The following PCNT variants were observed in gnomAD, a reference collection of about 807,000 sequenced individuals.
PCNT encodes kendrin.
Under a neutral mutation model 380.4 loss-of-function variants are expected in PCNT, and 319 were observed. The observed-to-expected ratio is 0.84, with a 90% CI of 0.77 to 0.92. The LOEUF is 0.92. Among genes scored for constraint, PCNT ranks in the 40% least tolerant of loss-of-function variants. PCNT has a pLI of 0.00. For synonymous variants in PCNT, 1,845 were observed against 1,735.2 expected (o/e 1.06, Z -1.57); for missense variants, 4,400 against 4,255.3 (o/e 1.03, Z -0.95).
chr21:46,349,309 G>C (rs544959662), intron 7 of PCNT, 123 bp downstream of exon 7: 4 of 874,994 alleles, frequency 4.6e-6, no homozygotes, highest in Non-Finnish European at 7.8e-6. Flanking sequence ...ATGCTGGATG[G>C]CCCCATGCAC....
intron 5 of PCNT, 89 bp downstream of exon 5, chr21:46,347,087 C>T (rs1298758986): frequency 2.5e-5 from 36 of 1,464,700 alleles, no homozygotes; most frequent in East Asian, 4.8e-5. Flanking sequence ...GGAGCTGGGG[C>T]GCCCTAGCAC....
At chr21:46,354,147 C>G in intron 11 of PCNT, 79 bp downstream of exon 11, 1 of 1,276,002 alleles carries the variant, frequency 7.8e-7, no homozygotes, top group Non-Finnish European at 1.1e-6. Context: ...ATTATAGAGC[C>G]TGTGTTTCCG....
intron 27 of PCNT, among the ~76,000 whole-genome samples, chr21:46,404,353 A>T (rs1390383065): frequency 6.8e-6 from 1 of 147,962 alleles, no homozygotes; most frequent in Non-Finnish European, 1.5e-5. Context: ...TTTCCCTATT[A>T]AGGTTCTGTC....
Position 46,415,975 on chromosome 21 carries a change from C to T in PCNT, c.6151-94C>T, listed in dbSNP as rs532240295. Reference sequence around the variant, plus strand: ...TCATTGTGGAATCACCCGAGTGCTCCGAAACTCCCTGAAATCCACTCATTA... The same window carrying T: ...TCATTGTGGAATCACCCGAGTGCTCTGAAACTCCCTGAAATCCACTCATTA... On this transcript the variant is annotated intron_variant, in intron 29 of 46. Coordinates refer to ENST00000359568, the MANE Select transcript of PCNT (RefSeq NM_006031.6). The T allele has an allele frequency of 1.2e-5, 15 of 1,282,510 alleles. 1 individual carries two copies. Among genetic ancestry groups the T allele is most frequent in the Middle Eastern group, 4.5e-4 (2 of 4,480 alleles). The allele number at this position is 1,282,510 out of a possible 1,614,324, so 79.4% of individuals were successfully genotyped here.
chr21:46,440,288 CA>C, intron 42 of PCNT, 86 bp downstream of exon 42: 2 of 1,456,160 alleles, frequency 1.4e-6, no homozygotes, highest in Non-Finnish European at 1.9e-6. Flanking sequence ...TTTGTGACCA[CA>C]AGGTTCTCGT....
At chr21:46,426,347 C>A (rs1012902863) in intron 33 of PCNT, among the ~76,000 whole-genome samples, 1 of 152,024 alleles carries the variant, frequency 6.6e-6, no homozygotes, top group Non-Finnish European at 1.5e-5. Context: ...TTTTTTTTAG[C>A]ACGGCCAAAA....
chr21:46,363,662 A>C lies in PCNT; in HGVS notation c.2337A>C (p.Glu779Asp). ...LMLLELREKAESEKQTIINKF... is the reference protein window; with the variant it reads ...LMLLELREKADSEKQTIINKF... ...TACTTGAACTGAGAGAAAAGGCTGA[A>C]TCCGAGAAACAGACCATCATAAACA... is the stretch of plus-strand genomic sequence containing the variant. The change falls in exon 14 of 47, where the codon GAA becomes GAC. Residue 779 changes from glutamate to aspartate, a missense_variant. Physicochemically the swap from Glu to Asp is conservative, Grantham distance 45. Transcript: ENST00000359568. The C allele has an allele frequency of 6.2e-7, 1 of 1,614,256 alleles. No individual in the cohort carries two copies. Among genetic ancestry groups the C allele is most frequent in the Non-Finnish European group, 8.5e-7 (1 of 1,180,044 alleles).
rs1601825062 is a variant in PCNT, at chr21:46,357,002, G to A, written c.1965G>A (p.Val655=). The A allele has an allele frequency of 6.2e-7, 1 of 1,614,188 alleles. No individual in the cohort carries two copies. Among genetic ancestry groups the A allele is most frequent in the Non-Finnish European group, 8.5e-7 (1 of 1,180,038 alleles). The change falls in exon 13 of 47, where the codon GTG becomes GTA. Residue 655 remains valine, a synonymous_variant. Coordinates refer to ENST00000359568, the MANE Select transcript of PCNT (RefSeq NM_006031.6). ...QELPWVHLQG[V]QDGDLEADTE... is the part of the protein sequence containing the mutation. ...TTCCCTGGGTGCATCTCCAGGGTGT[G>A]CAGGACGGGGACTTGGAGGCCGACA...
At position 46,425,002 on chromosome 21, in the gene PCNT, A is replaced by G. The variant is rs1301721844; in HGVS notation, c.7180-829A>G. ...GTCAGTCACACCCGTCGTAGGCTTC[A>G]TCATTGCCTCATTTTGCATTTCCCT... On this transcript the variant is annotated intron_variant, in intron 32 of 46. Coordinates refer to ENST00000359568, the MANE Select transcript of PCNT (RefSeq NM_006031.6). This position sits in a 1 kb window ranked among gnomAD's most constrained non-coding sequence, Gnocchi z 4.2. 6.6e-6 allele frequency among the ~76,000 whole-genome samples: 1 copy of G among 152,172 alleles called. No homozygotes were observed.
rs780136806 is a variant in PCNT, at chr21:46,443,862, A to G, written c.9753A>G (p.Pro3251=). Residue 3251 remains proline, a synonymous_variant, in exon 45 of 47, where the codon CCA becomes CCG. Transcript: ENST00000359568. The part of the protein sequence containing the change: ...QSPPRTRESP[P]TRDVPSGHTR... ...CACCCAGAACCAGAGAGTCCCCCCC[A>G]ACCCGGGATGTACCCTCTGGCCACA... 2 of 1,613,218 alleles carry G rather than the reference A, an allele frequency of 1.2e-6. No individual in the cohort carries two copies. The highest frequency in any genetic ancestry group is 1.7e-6 in the Non-Finnish European group (2 of 1,179,948).
rs951688557 is a variant in PCNT, at chr21:46,431,527, A to G, written c.8065-2A>G. On this transcript the variant is annotated splice_acceptor_variant, in intron 37 of 46. Coordinates refer to ENST00000359568, the MANE Select transcript of PCNT (RefSeq NM_006031.6). LOFTEE classifies it high-confidence loss of function. The stretch of plus-strand genomic sequence containing the variant: ...CTCCCATCGTATGTGTTTGCTGTCT[A>G]GGAGCTGCGGGCGTCTTTGGAGACA... 1 of 1,614,026 alleles carries G rather than the reference A, an allele frequency of 6.2e-7. No homozygotes were observed.
chr21:46,381,444 A>C (rs2085536498), intron 15 of PCNT, among the ~76,000 whole-genome samples: 1 of 152,112 alleles, frequency 6.6e-6, no homozygotes, highest in African/African-American at 2.4e-5. Flanking sequence ...GTTGCTTATG[A>C]CACGCAGCTG....
chr21:46,398,320 G>A, intron 24 of PCNT, 65 bp downstream of exon 24: 1 of 1,496,156 alleles, frequency 6.7e-7, no homozygotes, highest in South Asian at 1.2e-5. Context: ...GCGCTCGCTG[G>A]GACTGTCCTG....
intron 28 of PCNT, among the ~76,000 whole-genome samples, chr21:46,412,278 T>C (rs577753431): frequency 6.6e-6 from 1 of 152,194 alleles, no homozygotes; most frequent in South Asian, 2.1e-4. Flanking sequence ...TTTCACTGTT[T>C]TGTACCATTT....
intron 13 of PCNT, among the ~76,000 whole-genome samples, chr21:46,362,905 T>C (rs2084770005): frequency 6.6e-6 from 1 of 152,158 alleles, no homozygotes; most frequent in Non-Finnish European, 1.5e-5. Flanking sequence ...CCCTCTGCAT[T>C]CTCCTTCATC....
rs1231799451 is a variant in PCNT at position 46,346,753 on chromosome 21, G to A, written c.731G>A (p.Gly244Asp). The change falls in exon 5 of 47, where the codon GGC becomes GAC. Residue 244 changes from glycine to aspartate, a missense_variant. Gly to Asp is a moderately conservative substitution (Grantham distance 94, BLOSUM62 -1). Coordinates refer to ENST00000359568, the MANE Select transcript of PCNT (RefSeq NM_006031.6). Reference sequence around the variant, plus strand: ...TTTTCTCCGCCGCAGGCCGTGCATGGCCTTGAGCTGGAGGCGCTGCGCCTG... The same window carrying A: ...TTTTCTCCGCCGCAGGCCGTGCATGACCTTGAGCTGGAGGCGCTGCGCCTG... The part of the protein sequence containing the change: ...AGLHQSQAVH[G>D]LELEALRLSL... The A allele has an allele frequency of 1.9e-6, 3 of 1,597,668 alleles. No homozygotes were observed. Among genetic ancestry groups the A allele is most frequent in the Non-Finnish European group, 2.6e-6 (3 of 1,173,410 alleles).
intron 3 of PCNT, among the ~76,000 whole-genome samples, chr21:46,339,781 C>G (rs1045732436): frequency 6.6e-6 from 1 of 152,166 alleles, no homozygotes; most frequent in Non-Finnish European, 1.5e-5. Flanking sequence ...TACTTTGTAT[C>G]CTTCAATCCA....
At position 46,389,442 on chromosome 21, in the gene PCNT, G is replaced by C; in HGVS notation, c.3840+11G>C. 1 of 1,606,036 alleles carries C rather than the reference G, an allele frequency of 6.2e-7. No individual in the cohort carries two copies. Among genetic ancestry groups the C allele is most frequent in the Admixed American group, 1.7e-5 (1 of 59,970 alleles). ...GACTCCAGCAGGCAGGTGAGGCCCA[G>C]GCTCCCGGGGTCCTGTGGAGATGTG... is the stretch of plus-strand genomic sequence containing the variant. On this transcript the variant is annotated intron_variant, in intron 19 of 46. Coordinates refer to ENST00000359568, the MANE Select transcript of PCNT (RefSeq NM_006031.6).
At chr21:46,327,990 C>T (rs762156423) in intron 2 of PCNT, among the ~76,000 whole-genome samples, 2 of 152,020 alleles carry the variant, frequency 1.3e-5, no homozygotes, top group Non-Finnish European at 2.9e-5. Context: ...TGTCCTTGGG[C>T]CTTTTGTATG....
Sources: gnomAD v4.1 joint callset for allele counts (sites outside exome capture counted in the v4.1 genomes callset) on GRCh38, gnomAD v4.1.1 for gene constraint, Gnocchi (gnomAD v3.1) non-coding constraint, MANE v1.5 for transcripts, NCBI Gene and HGNC (gene_info 2026-07-23, HGNC 2026-07-21) for gene names.